Variants in ECD observed in about 807,000 individuals in gnomAD.
ECD encodes ecdysoneless cell cycle regulator.
In ECD, 59 loss-of-function variants were observed where a neutral mutation model predicts 77.2. The observed-to-expected ratio is 0.76, with a 90% confidence interval of 0.62 to 0.95. ECD has a LOEUF of 0.95. ECD is among the 40% of genes least tolerant of loss of function. ECD has a pLI of 0.00. For missense variants in ECD, 704 were observed against 763.4 expected (o/e 0.92, Z 0.92); for synonymous variants, 233 against 267.4 (o/e 0.87, Z 1.26).
intron 9 of ECD, among the ~76,000 whole-genome samples, chr10:73,140,168 A>G (rs1843034217): frequency 6.6e-6 from 1 of 151,790 alleles, no homozygotes; most frequent in Non-Finnish European, 1.5e-5. Context: ...TATTTTTAGT[A>G]AAGATGGGGT....
chr10:73,136,984 TA>T lies in ECD; in HGVS notation c.1490-67del, dbSNP rs537857445. The T allele has an allele frequency of 2.0e-5, 14 of 685,748 alleles. No homozygotes were observed. The South Asian group carries it at 6.2e-4, about 30-fold the overall frequency. The allele number at this position is 685,748 out of a possible 1,614,324, so 42.5% of individuals were successfully genotyped here. A position where few individuals can be genotyped will look rare whatever the true frequency, so the allele number is the denominator to read the frequency against. On this transcript the variant is annotated intron_variant, in intron 12 of 13. Coordinates refer to ENST00000372979, the MANE Select transcript of ECD (RefSeq NM_007265.3). ...TTATTATTATTATTATTATTATTAT[TA>T]TTTAGTTACTACACATCTCAAAATA...
chr10:73,166,324 C>T (rs12769900), intron 1 of ECD, among the ~76,000 whole-genome samples: 2,425 of 152,278 alleles, frequency 0.016, 25 homozygotes, highest in Non-Finnish European at 0.023. Flanking sequence ...GATTTCCTTT[C>T]TTTTGGGTAA....
At position 73,133,920 on chromosome 10, in the gene ECD, A is replaced by C. The variant is rs1842949506; in HGVS notation, c.*663T>G. ...TTCTAGGGGCTGGGAGTAGAAGGGA[A>C]TGAGAGACTATTAGTGAGTATGGGG... On this transcript the variant is annotated 3_prime_UTR_variant, in exon 14 of 14. Transcript: ENST00000372979. The C allele has an allele frequency of 6.6e-6, 1 of 152,212 alleles. No individual in the cohort carries two copies. The highest frequency in any genetic ancestry group is 1.5e-5 in the Non-Finnish European group (1 of 68,054). 9.4% of individuals were successfully genotyped at this position (152,212 alleles called of 1,614,324 possible).
intron 1 of ECD, among the ~76,000 whole-genome samples, chr10:73,167,333 G>T (rs79445670): frequency 0.011 from 1,675 of 152,206 alleles, 19 homozygotes; most frequent in Non-Finnish European, 0.015. Flanking sequence ...TGACTGTGAA[G>T]AATGTCACTG....
chr10:73,159,667 C>CAG (rs145693235), intron 3 of ECD, among the ~76,000 whole-genome samples: 17,131 of 128,018 alleles, frequency 0.13, 1,910 homozygotes, highest in African/African-American at 0.3. Context: ...TTTTTTGAGA[C>CAG]AGTTTCACTC....
rs766077361 is a variant in ECD, at chr10:73,146,342, G to C, written c.1061C>G (p.Ala354Gly). The stretch of plus-strand genomic sequence containing the variant: ...CATTTCTAGCCTTTCCCGGTACTGA[G>C]CAGAACCTTCTATCAGTCCCTTAAA... Reference protein sequence around the residue: ...DYFKGLIEGSAQYRERLEMAE... With the variant: ...DYFKGLIEGSGQYRERLEMAE... Residue 354 changes from alanine to glycine, a missense_variant, in exon 9 of 14, where the codon GCT becomes GGT. Transcript: ENST00000372979. The C allele has an allele frequency of 1.9e-6, 3 of 1,606,062 alleles. No individual in the cohort carries two copies. Among genetic ancestry groups the C allele is most frequent in the African/African-American group, 2.7e-5 (2 of 74,294 alleles).
intron 8 of ECD, among the ~76,000 whole-genome samples, chr10:73,147,122 C>CACCATTCAAA (rs1554849951): frequency 7.2e-5 from 11 of 151,988 alleles, no homozygotes; most frequent in African/African-American, 2.7e-4. Flanking sequence ...TGGCACATGC[C>CACCATTCAAA]TAGTCTCAGC....
chr10:73,146,292 C>T lies in ECD; in HGVS notation c.1111G>A (p.Val371Ile), dbSNP rs1382699490. 1.2e-6 allele frequency: 2 copies of T among 1,608,382 alleles called. No homozygotes were observed. The highest frequency in any genetic ancestry group is 1.1e-5 in the South Asian group (1 of 90,524). ...EMAENYFQLSVDWPESSLAMS... is the reference protein window; with the variant it reads ...EMAENYFQLSIDWPESSLAMS... ...ATAACTCACCTTTCTGGCCAGTCTA[C>T]TGAGAGCTGGAAGTAATTCTCTGCC... The change falls in exon 9 of 14, where the codon GTA becomes ATA. Residue 371 changes from valine (V) to isoleucine (I), a missense_variant. By Grantham distance (29) the Val-to-Ile change is conservative. This residue lies in a region of ECD where 559 missense variants were observed against 583.7 expected (regional missense o/e 0.96). Coordinates refer to ENST00000372979, the MANE Select transcript of ECD (RefSeq NM_007265.3).
At chr10:73,157,651 G>A (rs113063928) in intron 3 of ECD, among the ~76,000 whole-genome samples, 23,650 of 151,078 alleles carry the variant, frequency 0.16, 3,095 homozygotes, top group African/African-American at 0.33. Context: ...GAACCTGGGA[G>A]GCAGAGGTTG....
chr10:73,135,902 T>C (rs1206114735), intron 13 of ECD, among the ~76,000 whole-genome samples: 1 of 152,208 alleles, frequency 6.6e-6, no homozygotes, highest in Non-Finnish European at 1.5e-5. Flanking sequence ...TGGTTTCTAC[T>C]AGATTTTGAC....
chr10:73,134,932 T>G, intron 13 of ECD, 119 bp from the exon 14 acceptor site: 1 of 834,484 alleles, frequency 1.2e-6, no homozygotes, highest in Non-Finnish European at 1.9e-6. Flanking sequence ...AAAAGGAAAC[T>G]TCTTATCCTT....
At chr10:73,152,984 T>C (rs190878622) in intron 6 of ECD, among the ~76,000 whole-genome samples, 3 of 151,988 alleles carry the variant, frequency 2.0e-5, no homozygotes, top group East Asian at 3.9e-4. Flanking sequence ...AGTTACATTA[T>C]ACAGCAATTA....
At chr10:73,142,394 G>A (rs1225958240) in intron 9 of ECD, among the ~76,000 whole-genome samples, 1 of 151,980 alleles carries the variant, frequency 6.6e-6, no homozygotes, top group Non-Finnish European at 1.5e-5. Flanking sequence ...CCAGCACTTT[G>A]GGAGGCTGAG....
intron 13 of ECD, among the ~76,000 whole-genome samples, chr10:73,135,176 A>G (rs1310196283): frequency 6.6e-6 from 1 of 152,206 alleles, no homozygotes; most frequent in Non-Finnish European, 1.5e-5. Context: ...ATGAAATAAT[A>G]ATGTAAATTT....
chr10:73,148,408 G>A lies in ECD; in HGVS notation c.913-4C>T. The A allele has an allele frequency of 3.7e-6, 6 of 1,609,724 alleles. No individual in the cohort carries two copies. The highest frequency in any genetic ancestry group is 5.1e-6 in the Non-Finnish European group (6 of 1,178,402). On this transcript the variant is annotated splice_polypyrimidine_tract_variant and splice_region_variant and intron_variant, in intron 7 of 13. Coordinates refer to ENST00000372979, the MANE Select transcript of ECD (RefSeq NM_007265.3). ...ATAAGATCTCAAATCCATGAGCCTA[G>A]ATGAGATAGGTAGAATTTTTGTTAC...
chr10:73,154,717 G>A (rs1045395946), intron 5 of ECD, among the ~76,000 whole-genome samples: 1 of 151,988 alleles, frequency 6.6e-6, no homozygotes, highest in South Asian at 2.1e-4. Flanking sequence ...GGTGGATCAC[G>A]AGGTCAGGAG....
intron 8 of ECD, 27 bp from the exon 9 acceptor site, chr10:73,146,388 A>G: frequency 6.7e-7 from 1 of 1,482,062 alleles, no homozygotes; most frequent in South Asian, 1.2e-5. Flanking sequence ...GGTCTATCAG[A>G]ACATTACTCA....
intron 9 of ECD, among the ~76,000 whole-genome samples, chr10:73,142,098 G>T (rs189535588): frequency 7.2e-4 from 109 of 152,176 alleles, no homozygotes; most frequent in Non-Finnish European, 8.2e-4. Context: ...ACAGGCATTA[G>T]CCACTGTGCC....
intron 11 of ECD, among the ~76,000 whole-genome samples, chr10:73,138,856 C>T (rs191915386): frequency 9.2e-5 from 14 of 152,262 alleles, no homozygotes; most frequent in African/African-American, 3.1e-4. Flanking sequence ...TGAGCCACCG[C>T]GCCCAGCCTA....
Sources: gnomAD v4.1 joint callset for allele counts (sites outside exome capture counted in the v4.1 genomes callset) on GRCh38, gnomAD v4.1.1 for gene constraint, gnomAD v4.1.1 regional missense constraint, MANE v1.5 for transcripts, NCBI Gene and HGNC (gene_info 2026-07-23, HGNC 2026-07-21) for gene names.